The following STK17B variants were observed in gnomAD, a reference collection of about 807,000 sequenced individuals.
The protein encoded by STK17B is serine/threonine-protein kinase 17B.
STK17B carries 21 observed loss-of-function variants against 42.0 expected under a neutral mutation model. The observed-to-expected ratio is 0.50, with a 90% CI of 0.35 to 0.72. STK17B has a LOEUF of 0.72. Among genes scored for constraint, STK17B ranks in the 30% least tolerant of loss-of-function variants. The pLI is 0.00. For missense variants in STK17B, 349 were observed against 446.0 expected (o/e 0.78, Z 1.96); for synonymous variants, 143 against 148.4 (o/e 0.96, Z 0.26).
intron 6 of STK17B, among the ~76,000 whole-genome samples, chr2:196,140,620 A>G (rs1382600521): frequency 7.3e-6 from 1 of 137,348 alleles, no homozygotes; most frequent in Non-Finnish European, 1.5e-5. Context: ...GCTAGAGTGC[A>G]ATAGCATGAT....
At chr2:196,154,719 C>T (rs996299390) in intron 3 of STK17B, 1 of 152,180 alleles carries the variant, frequency 6.6e-6, no homozygotes, top group Admixed American at 6.5e-5. Flanking sequence ...AATTATGCCA[C>T]ACTACTAAAA....
chr2:196,159,549 C>G (rs762443250), intron 2 of STK17B, among the ~76,000 whole-genome samples: 4 of 152,046 alleles, frequency 2.6e-5, no homozygotes, highest in Non-Finnish European at 5.9e-5. Flanking sequence ...TGGGCTCAAA[C>G]GATTCTCCTG....
chr2:196,146,525 T>C (rs779580126), intron 3 of STK17B, among the ~76,000 whole-genome samples: 3 of 151,796 alleles, frequency 2.0e-5, no homozygotes, highest in Admixed American at 1.3e-4. Context: ...AAAAAGAAAA[T>C]AAGTGATGAG....
chr2:196,143,500 A>G (rs1425346460), intron 5 of STK17B, 60 bp downstream of exon 5: 4 of 1,440,014 alleles, frequency 2.8e-6, no homozygotes, highest in African/African-American at 2.9e-5. Context: ...ATAGTTCTAC[A>G]GAGGTATCAT....
chr2:196,146,044 C>T lies in STK17B; in HGVS notation c.347G>A (p.Gly116Glu). The change falls in exon 4 of 8, where the codon GGA (glycine) becomes GAA (glutamate). Residue 116 changes from glycine (G) to glutamate (E), a missense_variant. Around this residue, in one of 3 missense-constraint regions of STK17B, gnomAD observed 256 missense variants for 347.7 expected, o/e 0.74. Transcript: ENST00000263955. The stretch of plus-strand genomic sequence containing the variant: ...AGGTAAACACAGGCTGAAAATTTCT[C>T]CACCTGCAGCACTAAAATAAAATTC... ...IILILEYAAG[G>E]EIFSLCLPEL... 1 of 1,584,460 alleles carries T rather than the reference C, an allele frequency of 6.3e-7. No homozygotes were observed. The highest frequency in any genetic ancestry group is 8.5e-7 in the Non-Finnish European group (1 of 1,171,330).
chr2:196,136,147 T>C lies in STK17B; in HGVS notation c.*1300A>G, dbSNP rs1420247744. On this transcript the variant is annotated 3_prime_UTR_variant, in exon 8 of 8. Transcript: ENST00000263955. ...AACTATTTCTTCTGATACAGCAACA[T>C]GGTCATGAGATCACAGTTATCGTAA... is the stretch of plus-strand genomic sequence containing the variant. 6.6e-6 allele frequency: 1 copy of C among 152,250 alleles called. No individual in the cohort carries two copies. The highest frequency in any genetic ancestry group is 1.5e-5 in the Non-Finnish European group (1 of 68,044). 9.4% of individuals were successfully genotyped at this position (152,250 alleles called of 1,614,324 possible).
chr2:196,139,325 T>C (rs1310636799), intron 7 of STK17B, among the ~76,000 whole-genome samples: 1 of 152,250 alleles, frequency 6.6e-6, no homozygotes, highest in African/African-American at 2.4e-5. Context: ...CCATGTGTAT[T>C]GTAAATTTCT....
At chr2:196,145,273 C>A (rs1394670553) in intron 4 of STK17B, among the ~76,000 whole-genome samples, 1 of 151,636 alleles carries the variant, frequency 6.6e-6, no homozygotes, top group African/African-American at 2.4e-5. Context: ...GTAATAGAAG[C>A]CAAAGGGTCA....
intron 3 of STK17B, among the ~76,000 whole-genome samples, chr2:196,150,937 C>G (rs1699657445): frequency 1.3e-5 from 2 of 152,132 alleles, no homozygotes; most frequent in African/African-American, 4.8e-5. Flanking sequence ...TATCACAGTG[C>G]CTGCCAGAGT....
At chr2:196,155,806 C>CCT (rs1699730632) in intron 3 of STK17B, among the ~76,000 whole-genome samples, 1 of 152,186 alleles carries the variant, frequency 6.6e-6, no homozygotes, top group African/African-American at 2.4e-5. Flanking sequence ...CCTTAACAAT[C>CCT]CTCTACCCCT....
intron 4 of STK17B, among the ~76,000 whole-genome samples, chr2:196,145,056 T>C (rs1260463033): frequency 6.6e-6 from 1 of 151,286 alleles, no homozygotes. Context: ...TCTTGGCATT[T>C]ACTGTGTTGC....
intron 7 of STK17B, among the ~76,000 whole-genome samples, chr2:196,139,084 C>T (rs1157330749): frequency 6.6e-6 from 1 of 152,118 alleles, no homozygotes; most frequent in Non-Finnish European, 1.5e-5. Flanking sequence ...CTGCCTCAGC[C>T]TCCCAAGTAG....
intron 5 of STK17B, among the ~76,000 whole-genome samples, chr2:196,143,207 A>G (rs1575172465): frequency 6.6e-6 from 1 of 152,208 alleles, no homozygotes; most frequent in Non-Finnish European, 1.5e-5. Flanking sequence ...CAGGCTTCAA[A>G]GACAATCATG....
chr2:196,139,208 T>TGC (rs1699455981), intron 7 of STK17B, among the ~76,000 whole-genome samples: 2 of 148,732 alleles, frequency 1.3e-5, no homozygotes, highest in African/African-American at 4.9e-5. Flanking sequence ...TCGTGATCCA[T>TGC]CTGCCTCAGC....
At chr2:196,142,040 T>C (rs1699501642) in intron 5 of STK17B, among the ~76,000 whole-genome samples, 1 of 152,180 alleles carries the variant, frequency 6.6e-6, no homozygotes, top group African/African-American at 2.4e-5. Flanking sequence ...TGAGCAAATT[T>C]TGCTTCTCGG....
chr2:196,173,663 T>A (rs934027697), upstream of STK17B, among the ~76,000 whole-genome samples: 1 of 152,186 alleles, frequency 6.6e-6, no homozygotes. Context: ...GTCAAAGATA[T>A]ATGTTCCTGC....
chr2:196,158,672 CCTAA>C (rs1319408404), intron 2 of STK17B, among the ~76,000 whole-genome samples: 3 of 152,086 alleles, frequency 2.0e-5, no homozygotes, highest in African/African-American at 7.3e-5. Context: ...AATGTGAATT[CCTAA>C]CTTTCTGTTC....
chr2:196,154,934 TC>T, intron 3 of STK17B: 1 of 152,206 alleles, frequency 6.6e-6, no homozygotes, highest in Non-Finnish European at 1.5e-5. Context: ...GGTATAGAGA[TC>T]AGTAAGTTCT....
chr2:196,163,795 T>C (rs1448029976), intron 1 of STK17B, among the ~76,000 whole-genome samples: 1 of 152,098 alleles, frequency 6.6e-6, no homozygotes, highest in Non-Finnish European at 1.5e-5. Flanking sequence ...CCCAGCACTT[T>C]GGGAGGCTGA....
Sources: gnomAD v4.1 joint callset for allele counts (sites outside exome capture counted in the v4.1 genomes callset) on GRCh38, gnomAD v4.1.1 for gene constraint, gnomAD v4.1.1 regional missense constraint, MANE v1.5 for transcripts, NCBI Gene and HGNC (gene_info 2026-07-23, HGNC 2026-07-21) for gene names.